SMG5: variants seen among roughly 807,000 people sequenced by gnomAD.
SMG5 encodes the protein SMG5 nonsense mediated mRNA decay factor.
SMG5 carries 53 observed loss-of-function variants against 122.9 expected under a neutral mutation model. The ratio of observed to expected loss-of-function variants is 0.43; its 90% CI spans 0.35 to 0.54. The LOEUF is 0.54. Among genes scored for constraint, SMG5 ranks in the 20% least tolerant of loss-of-function variants. The pLI is 0.01. For synonymous variants in SMG5, 477 were observed against 490.2 expected, an observed-to-expected ratio of 0.97 and a Z score of 0.35; for missense variants, 1,153 against 1,285.6, an observed-to-expected ratio of 0.90 and a Z score of 1.58.
At chr1:156,271,903 T>G (rs1328056564) in intron 7 of SMG5, among the ~76,000 whole-genome samples, 1 of 151,960 alleles carries the variant, frequency 6.6e-6, no homozygotes, top group Non-Finnish European at 1.5e-5. Context: ...AAAAATGTTG[T>G]TTTTTATTCT....
intron 7 of SMG5, among the ~76,000 whole-genome samples, chr1:156,269,434 C>CA (rs773408705): frequency 1.4e-4 from 22 of 152,022 alleles, no homozygotes; most frequent in Non-Finnish European, 2.1e-4. Flanking sequence ...TAAAAACAAA[C>CA]AAACACACAC....
chr1:156,262,517 A>G (rs958844354), intron 13 of SMG5, among the ~76,000 whole-genome samples: 1 of 150,196 alleles, frequency 6.7e-6, no homozygotes, highest in South Asian at 2.1e-4. Context: ...CAGCGAAACC[A>G]CAAGGACTTT....
intron 7 of SMG5, among the ~76,000 whole-genome samples, chr1:156,271,229 T>C (rs1044734739): frequency 2.0e-5 from 3 of 152,240 alleles, no homozygotes; most frequent in African/African-American, 7.2e-5. Flanking sequence ...GTACAATTAG[T>C]ATTTCATTAT....
At chr1:156,257,703 G>C (rs1477640230) in intron 16 of SMG5, among the ~76,000 whole-genome samples, 1 of 152,134 alleles carries the variant, frequency 6.6e-6, no homozygotes. Context: ...AGTAAGGAAG[G>C]GAGTTTCTGG....
chr1:156,288,340 C>CT, the SMG5 span, among the ~76,000 whole-genome samples: 929 of 133,074 alleles, frequency 7.0e-3, 1 homozygote, highest in Non-Finnish European at 0.011. Flanking sequence ...CTTTTTTTTT[C>CT]TTTTTTTTTT....
chr1:156,257,037 C>T (rs1227377983), intron 16 of SMG5, among the ~76,000 whole-genome samples: 1 of 149,996 alleles, frequency 6.7e-6, no homozygotes, highest in Non-Finnish European at 1.5e-5. Context: ...AGTGATTATT[C>T]TGCCTTAGCC....
In SMG5 at chr1:156,277,941, A is replaced by G; in HGVS notation, c.281T>C (p.Ile94Thr). The G allele has an allele frequency of 6.2e-7, 1 of 1,613,980 alleles. No homozygotes were observed. The highest frequency in any genetic ancestry group is 8.5e-7 in the Non-Finnish European group (1 of 1,179,926). Residue 94 changes from isoleucine (I) to threonine (T), a missense_variant, in exon 3 of 22, where the codon ATC (isoleucine) becomes ACC (threonine). Physicochemically the swap from Ile to Thr is moderately conservative, Grantham distance 89. This residue lies in a region of SMG5 where 213 missense variants were observed against 197.5 expected (regional missense o/e 1.08). Coordinates refer to ENST00000361813, the MANE Select transcript of SMG5 (RefSeq NM_015327.3). ...TCCCCTTACCTTTTTGTTAGTCTTG[A>G]TAAGCTGGATAACTTCATAGTATAC... is the stretch of plus-strand genomic sequence containing the variant. ...RKVYYEVIQL[I>T]KTNKKHIHSR...
chr1:156,274,803 T>C, intron 4 of SMG5, 117 bp from the exon 5 acceptor site: 2 of 785,568 alleles, frequency 2.5e-6, no homozygotes, highest in South Asian at 2.9e-5. Flanking sequence ...TGGAACATTG[T>C]CTTTCAGGGC....
chr1:156,277,169 G>A lies in SMG5; in HGVS notation c.370C>T (p.His124Tyr). ...TGGGACTGGATATAGAGAAGGAGAT[G>A]CTGGTAGAAGCCAATACCAGCAACC... ...HLVAGIGFYQ[H>Y]LLLYIQSHYQ... Residue 124 changes from histidine to tyrosine, a missense_variant, in exon 4 of 22, where the codon CAT (histidine) becomes TAT (tyrosine). Coordinates refer to ENST00000361813, the MANE Select transcript of SMG5 (RefSeq NM_015327.3). 6.8e-6 allele frequency: 11 copies of A among 1,613,990 alleles called. No individual in the cohort carries two copies. The highest frequency in any genetic ancestry group is 9.3e-6 in the Non-Finnish European group (11 of 1,179,992).
intron 13 of SMG5, among the ~76,000 whole-genome samples, chr1:156,262,572 C>T (rs972982665): frequency 6.6e-6 from 1 of 151,822 alleles, no homozygotes; most frequent in Admixed American, 6.6e-5. Flanking sequence ...AAGGATGTGG[C>T]TTCTCTACGT....
At chr1:156,278,894 AG>A in intron 2 of SMG5, 41 bp downstream of exon 2, 1 of 1,521,854 alleles carries the variant, frequency 6.6e-7, no homozygotes, top group Admixed American at 1.7e-5. Flanking sequence ...AGAGATAGGC[AG>A]GGAAACAGTA....
At chr1:156,267,220 G>A (rs1024036406) in intron 10 of SMG5, among the ~76,000 whole-genome samples, 1 of 152,200 alleles carries the variant, frequency 6.6e-6, no homozygotes, top group African/African-American at 2.4e-5. Context: ...ACAGGCCCTG[G>A]CCAAGGGTGT....
intron 7 of SMG5, among the ~76,000 whole-genome samples, chr1:156,269,003 C>G (rs981805777): frequency 6.6e-6 from 1 of 151,012 alleles, no homozygotes; most frequent in African/African-American, 2.4e-5. Flanking sequence ...CTGAGTCTCA[C>G]TCTATCACCC....
At chr1:156,269,657 C>G (rs546892086) in intron 7 of SMG5, among the ~76,000 whole-genome samples, 1 of 151,960 alleles carries the variant, frequency 6.6e-6, no homozygotes, top group Non-Finnish European at 1.5e-5. Context: ...AGGTGGATCA[C>G]GAGGTCAGGA....
In SMG5 at chr1:156,251,498, T is replaced by G. The variant is rs757804576; in HGVS notation, c.2754-21A>C. 6.8e-6 allele frequency: 11 copies of G among 1,613,128 alleles called. No homozygotes were observed. The East Asian group carries it at 2.5e-4, about 36-fold the overall frequency. On this transcript the variant is annotated intron_variant, in intron 19 of 21. Transcript: ENST00000361813. ...TGTACCTGCAGAGGAGATGTGCGAG[T>G]GGAGGTCAGGAGCAGGAGACTGGCA...
intron 7 of SMG5, among the ~76,000 whole-genome samples, chr1:156,271,487 T>C (rs190761303): frequency 3.1e-4 from 47 of 152,002 alleles, no homozygotes; most frequent in African/African-American, 1.1e-3. Context: ...TACCTATCAG[T>C]CTCATGTGCT....
intron 16 of SMG5, 39 bp downstream of exon 16, chr1:156,258,966 T>C (rs1030052995): frequency 6.2e-7 from 1 of 1,609,668 alleles, no homozygotes; most frequent in East Asian, 2.2e-5. Context: ...GTGAGCCCAA[T>C]GGGAGCAGAG....
chr1:156,250,431 C>A lies in SMG5; in HGVS notation c.*156G>T. ...GGGACCCCACCCTCCCAGCCGGCTC[C>A]TGGGCCCTCCCTGCAGCCTCTGAGC... On this transcript the variant is annotated 3_prime_UTR_variant, in exon 22 of 22. Transcript: ENST00000361813. 1 of 705,710 alleles carries A rather than the reference C, an allele frequency of 1.4e-6. No individual in the cohort carries two copies. The highest frequency in any genetic ancestry group is 2.5e-5 in the East Asian group (1 of 40,042). The allele number at this position is 705,710 out of a possible 1,614,324, so 43.7% of individuals were successfully genotyped here.
At chr1:156,276,395 G>A (rs1457056335) in intron 4 of SMG5, among the ~76,000 whole-genome samples, 1 of 152,162 alleles carries the variant, frequency 6.6e-6, no homozygotes, top group African/African-American at 2.4e-5. Flanking sequence ...TCAAAGTGCT[G>A]GGATTACAGG....
Sources: allele counts gnomAD v4.1 joint callset (sites outside exome capture counted in the v4.1 genomes callset), GRCh38; gene constraint gnomAD v4.1.1; regional missense constraint gnomAD v4.1.1; transcripts MANE v1.5; gene names NCBI Gene and HGNC (gene_info 2026-07-23, HGNC 2026-07-21).